HMGA2: variants seen among roughly 807,000 people sequenced by gnomAD.
HMGA2 encodes the protein high mobility group protein HMGI-C.
In HMGA2, 8 loss-of-function variants were observed where a neutral mutation model predicts 19.1. That is an observed-to-expected ratio of 0.42 (90% CI 0.25 to 0.76). The LOEUF (loss-of-function observed/expected upper bound fraction) is 0.76. Ranked by LOEUF, HMGA2 falls within the 30% of genes least tolerant of loss-of-function variation. The pLI is 0.28. For missense variants in HMGA2, 109 were observed against 136.3 expected (o/e 0.80, Z 1.00); for synonymous variants, 60 against 48.8 (o/e 1.23, Z -0.96).
intron 2 of HMGA2, among the ~76,000 whole-genome samples, chr12:65,836,559 A>G (rs1870737565): frequency 6.6e-6 from 1 of 152,174 alleles, no homozygotes; most frequent in African/African-American, 2.4e-5. Flanking sequence ...TCATAAAGCT[A>G]AAATGGAAGA....
chr12:65,845,199 C>T (rs1339880739), intron 3 of HMGA2, among the ~76,000 whole-genome samples: 1 of 151,916 alleles, frequency 6.6e-6, no homozygotes, highest in African/African-American at 2.4e-5. Context: ...TGATTATATT[C>T]CAGGAGAACA....
chr12:65,834,537 C>T (rs978255970), intron 2 of HMGA2, among the ~76,000 whole-genome samples: 1 of 134,126 alleles, frequency 7.5e-6, no homozygotes, highest in African/African-American at 2.8e-5. Flanking sequence ...CTTCCTCCTT[C>T]CTTTTTTTCC....
chr12:65,832,063 G>C (rs891534506), intron 2 of HMGA2, among the ~76,000 whole-genome samples: 1 of 151,880 alleles, frequency 6.6e-6, no homozygotes, highest in Non-Finnish European at 1.5e-5. Flanking sequence ...AATTCAGGCG[G>C]ATTCAGGGCC....
At chr12:65,883,593 G>A (rs994885361) in intron 3 of HMGA2, among the ~76,000 whole-genome samples, 1 of 152,106 alleles carries the variant, frequency 6.6e-6, no homozygotes, top group African/African-American at 2.4e-5. Flanking sequence ...CCTTAATGTT[G>A]ACCTTAATCC....
chr12:65,889,529 T>C (rs555563403), intron 3 of HMGA2, among the ~76,000 whole-genome samples: 7 of 152,284 alleles, frequency 4.6e-5, no homozygotes, highest in African/African-American at 1.7e-4. Flanking sequence ...AGAATGCTCA[T>C]TGAAAACACA....
intron 3 of HMGA2, among the ~76,000 whole-genome samples, chr12:65,905,415 T>C (rs1426773190): frequency 6.6e-6 from 1 of 152,172 alleles, no homozygotes; most frequent in Non-Finnish European, 1.5e-5. Context: ...AACCAAGCTC[T>C]CTTCCAGAAG....
At chr12:65,835,924 C>G (rs893489400) in intron 2 of HMGA2, among the ~76,000 whole-genome samples, 4 of 152,180 alleles carry the variant, frequency 2.6e-5, no homozygotes, top group African/African-American at 9.7e-5. Flanking sequence ...TGCAATCTTA[C>G]AGTTGCTTCC....
chr12:65,934,849 A>G (rs1875839168), intron 3 of HMGA2: 6 of 152,126 alleles, frequency 3.9e-5, no homozygotes, highest in Admixed American at 3.9e-4. Flanking sequence ...AGACCCAGAC[A>G]CCTCTGTGGC....
chr12:65,893,034 C>T (rs1565723992), intron 3 of HMGA2, among the ~76,000 whole-genome samples: 1 of 152,122 alleles, frequency 6.6e-6, no homozygotes, highest in South Asian at 2.1e-4. Context: ...TCTTCCTCTG[C>T]GAGTGTGTCT....
chr12:65,938,060 AG>A (rs904483353), intron 3 of HMGA2, among the ~76,000 whole-genome samples: 6 of 152,172 alleles, frequency 3.9e-5, no homozygotes, highest in African/African-American at 1.4e-4. Context: ...CCTGTTAAAA[AG>A]GGCCATGAAA....
intron 3 of HMGA2, among the ~76,000 whole-genome samples, chr12:65,938,840 T>A (rs943980350): frequency 6.6e-6 from 1 of 151,732 alleles, no homozygotes; most frequent in Admixed American, 6.6e-5. Context: ...ATTTTTGTAC[T>A]TTTTTTTAGA....
chr12:65,836,721 A>G (rs781474737), intron 2 of HMGA2, among the ~76,000 whole-genome samples: 1 of 152,222 alleles, frequency 6.6e-6, no homozygotes, highest in Admixed American at 6.5e-5. Context: ...AGGTAAGACA[A>G]TGCCACTAAC....
chr12:65,949,121 T>C (rs1876367134), intron 3 of HMGA2, among the ~76,000 whole-genome samples: 1 of 152,182 alleles, frequency 6.6e-6, no homozygotes, highest in African/African-American at 2.4e-5. Flanking sequence ...GAAGTCCTCA[T>C]CGTTCTTGGT....
At chr12:65,958,906 TG>T (rs1232844419) in intron 4 of HMGA2, 1 of 152,332 alleles carries the variant, frequency 6.6e-6, no homozygotes, top group East Asian at 1.9e-4. Context: ...CTGTGATTTT[TG>T]CACTCCGTAC....
At chr12:65,959,589 A>C (rs944056525) in intron 4 of HMGA2, among the ~76,000 whole-genome samples, 35 of 152,214 alleles carry the variant, frequency 2.3e-4, no homozygotes, top group African/African-American at 7.7e-4. Context: ...TAAAAATGTC[A>C]CCGTGCACTT....
At chr12:65,910,664 G>T (rs1289881527) in intron 3 of HMGA2, among the ~76,000 whole-genome samples, 2 of 151,982 alleles carry the variant, frequency 1.3e-5, no homozygotes, top group Non-Finnish European at 2.9e-5. Context: ...AGGAACTTGG[G>T]GTACTAGGTC....
intron 3 of HMGA2, chr12:65,915,375 T>A (rs1479073430): frequency 7.6e-7 from 1 of 1,316,672 alleles, no homozygotes; most frequent in African/African-American, 1.5e-5. Flanking sequence ...GTACTCACTC[T>A]AGGCACATGC....
At chr12:65,924,062 C>A (rs1230352705) in intron 3 of HMGA2, among the ~76,000 whole-genome samples, 1 of 151,938 alleles carries the variant, frequency 6.6e-6, no homozygotes, top group South Asian at 2.1e-4. Flanking sequence ...GAAAGTCATT[C>A]TCTGACCCAC....
intron 3 of HMGA2, among the ~76,000 whole-genome samples, chr12:65,864,453 C>G (rs1204322122): frequency 1.3e-5 from 2 of 152,184 alleles, no homozygotes; most frequent in Non-Finnish European, 1.5e-5. Context: ...ATAGTGTTGT[C>G]TTCCATCTCC....
Sources: allele counts gnomAD v4.1 joint callset (sites outside exome capture counted in the v4.1 genomes callset), GRCh38; gene constraint gnomAD v4.1.1; transcripts MANE v1.5; gene names NCBI Gene and HGNC (gene_info 2026-07-23, HGNC 2026-07-21).